Variants in PLSCR4 observed in about 807,000 individuals in gnomAD.
PLSCR4 encodes Ca(2+)-dependent phospholipid scramblase 4.
Under a neutral mutation model 36.3 loss-of-function variants are expected in PLSCR4, and 25 were observed. The observed-to-expected ratio is 0.69, with a 90% CI of 0.50 to 0.96. The LOEUF is 0.96. PLSCR4 is among the 40% of genes least tolerant of loss of function. PLSCR4 has a pLI of 0.00. For synonymous variants in PLSCR4, 122 were observed against 132.9 expected (o/e 0.92, Z 0.56); for missense variants, 408 against 414.7 (o/e 0.98, Z 0.14).
rs926303762 is a variant in PLSCR4, at chr3:146,250,998, A to G, written c.-60T>C. 1 of 153,120 alleles carries G rather than the reference A, an allele frequency of 6.5e-6. No homozygotes were observed. Among genetic ancestry groups the G allele is most frequent in the Non-Finnish European group, 1.5e-5 (1 of 68,874 alleles). 9.5% of individuals were successfully genotyped at this position (153,120 alleles called of 1,614,324 possible). Reference sequence around the variant, plus strand: ...GAATGCTGGGCACCGGGGACGCCAGACGCCGGGTCTAGTTGTACTGGCAGA... The same window carrying G: ...GAATGCTGGGCACCGGGGACGCCAGGCGCCGGGTCTAGTTGTACTGGCAGA... On this transcript the variant is annotated 5_prime_UTR_variant, in exon 1 of 9. Coordinates refer to ENST00000354952, the MANE Select transcript of PLSCR4 (RefSeq NM_020353.3).
At chr3:146,211,899 T>C (rs1159282200) in intron 3 of PLSCR4, among the ~76,000 whole-genome samples, 1 of 152,186 alleles carries the variant, frequency 6.6e-6, no homozygotes, top group Non-Finnish European at 1.5e-5. Context: ...CTCAATTCTA[T>C]CTCATTGGTC....
chr3:146,218,883 G>T (rs2035011607), intron 3 of PLSCR4, among the ~76,000 whole-genome samples: 1 of 151,990 alleles, frequency 6.6e-6, no homozygotes, highest in African/African-American at 2.4e-5. Context: ...ATATAACAAA[G>T]GTTTCTTTAT....
chr3:146,209,017 T>C (rs1184108376), intron 3 of PLSCR4, among the ~76,000 whole-genome samples: 1 of 152,082 alleles, frequency 6.6e-6, no homozygotes, highest in African/African-American at 2.4e-5. Context: ...TGCCCATCAA[T>C]CTACGAGTGG....
intron 1 of PLSCR4, among the ~76,000 whole-genome samples, chr3:146,229,243 G>A (rs75323560): frequency 0.016 from 2,363 of 152,190 alleles, 62 homozygotes; most frequent in African/African-American, 0.054. Context: ...TGCTAAGGTG[G>A]CAACATAATA....
intron 4 of PLSCR4, 124 bp downstream of exon 4, chr3:146,206,402 C>T (rs181752606): frequency 6.0e-6 from 4 of 670,008 alleles, no homozygotes; most frequent in Admixed American, 2.6e-5. Flanking sequence ...CTTATAGTTT[C>T]ACAAATGGCA....
rs139110996 is a variant in PLSCR4, at chr3:146,213,357, T to C, written c.119-6596A>G. 7.3e-3 allele frequency among the ~76,000 whole-genome samples: 974 copies of C among 133,752 alleles called. 4 individuals carry two copies. The highest frequency in any genetic ancestry group is 0.012 in the Non-Finnish European group (685 of 58,994). The allele number at this position is 133,752 out of a possible 152,430, so 87.7% of individuals were successfully genotyped here. On this transcript the variant is annotated intron_variant, in intron 3 of 8. Coordinates refer to ENST00000354952, the MANE Select transcript of PLSCR4 (RefSeq NM_020353.3). ...TCCTTTTTTTTTTTTTTTTGTGATG[T>C]AGTCTCAACTGTCACCCAGGCTGGA...
At chr3:146,199,285 GATA>G (rs1338751213) in intron 6 of PLSCR4, among the ~76,000 whole-genome samples, 1 of 152,090 alleles carries the variant, frequency 6.6e-6, no homozygotes, top group Non-Finnish European at 1.5e-5. Flanking sequence ...AGAAATGCAA[GATA>G]ATGAGTAACC....
At chr3:146,229,905 T>G (rs1455405800) in intron 1 of PLSCR4, among the ~76,000 whole-genome samples, 2 of 152,192 alleles carry the variant, frequency 1.3e-5, no homozygotes, top group African/African-American at 4.8e-5. Context: ...ATTACAGGCA[T>G]GAGCCACTGC....
At chr3:146,211,746 C>CA (rs2034632209) in intron 3 of PLSCR4, among the ~76,000 whole-genome samples, 3 of 152,072 alleles carry the variant, frequency 2.0e-5, no homozygotes, top group Admixed American at 6.6e-5. Context: ...TAGGGTGAGA[C>CA]AGTTTCAAAT....
chr3:146,222,045 AT>A lies in PLSCR4; in HGVS notation c.7+19del, dbSNP rs776741029. 1 of 1,244,328 alleles carries A rather than the reference AT, an allele frequency of 8.0e-7. No homozygotes were observed. The highest frequency in any genetic ancestry group is 1.5e-5 in the South Asian group (1 of 67,480). The allele number at this position is 1,244,328 out of a possible 1,614,324, so 77.1% of individuals were successfully genotyped here. The stretch of plus-strand genomic sequence containing the variant: ...ACATTTGAAAATAAAGCATATTCAA[AT>A]TTATTCACAAAAACTTACCTGACAT... On this transcript the variant is annotated intron_variant, in intron 2 of 8. Coordinates refer to ENST00000354952, the MANE Select transcript of PLSCR4 (RefSeq NM_020353.3).
intron 1 of PLSCR4, among the ~76,000 whole-genome samples, chr3:146,234,232 C>G (rs957949038): frequency 2.0e-5 from 3 of 152,122 alleles, no homozygotes; most frequent in African/African-American, 7.2e-5. Context: ...TGGCCCAATA[C>G]TGGTTCAAGG....
At chr3:146,234,842 G>C (rs1011620662) in intron 1 of PLSCR4, among the ~76,000 whole-genome samples, 3 of 152,104 alleles carry the variant, frequency 2.0e-5, no homozygotes, top group Non-Finnish European at 4.4e-5. Flanking sequence ...AGAGATGACT[G>C]CTCAGGTCTC....
intron 1 of PLSCR4, among the ~76,000 whole-genome samples, chr3:146,234,479 A>C (rs2035837100): frequency 6.6e-6 from 1 of 152,194 alleles, no homozygotes; most frequent in South Asian, 2.1e-4. Context: ...GAAAACACTA[A>C]AGGAAAGAAA....
At chr3:146,204,827 TACAA>T (rs1332451393) in intron 4 of PLSCR4, among the ~76,000 whole-genome samples, 3 of 152,080 alleles carry the variant, frequency 2.0e-5, no homozygotes, top group Non-Finnish European at 2.9e-5. Context: ...CTTGATAAGC[TACAA>T]ACATTTTATT....
At chr3:146,196,884 C>G in intron 6 of PLSCR4, 91 bp from the exon 7 acceptor site, 1 of 1,091,566 alleles carries the variant, frequency 9.2e-7, no homozygotes, top group Non-Finnish European at 1.3e-6. Context: ...TGTGTCCTCA[C>G]TCATTCAAAG....
intron 3 of PLSCR4, among the ~76,000 whole-genome samples, chr3:146,216,854 G>A (rs1005193188): frequency 4.6e-5 from 7 of 152,226 alleles, no homozygotes; most frequent in South Asian, 4.1e-4. Flanking sequence ...GACATCATGG[G>A]ACAATGCAGT....
At chr3:146,199,244 TTC>T (rs1240447549) in intron 6 of PLSCR4, among the ~76,000 whole-genome samples, 2 of 152,144 alleles carry the variant, frequency 1.3e-5, no homozygotes, top group African/African-American at 4.8e-5. Flanking sequence ...CCAAAACCGC[TTC>T]TCTTTTCCCT....
At chr3:146,206,453 G>A in intron 4 of PLSCR4, 73 bp downstream of exon 4, 1 of 1,102,138 alleles carries the variant, frequency 9.1e-7, no homozygotes, top group Admixed American at 1.8e-5. Context: ...ACTCTGGTCT[G>A]CTTTTTTTCT....
intron 1 of PLSCR4, among the ~76,000 whole-genome samples, chr3:146,234,376 T>A (rs887096597): frequency 1.3e-5 from 2 of 152,096 alleles, no homozygotes; most frequent in African/African-American, 4.8e-5. Flanking sequence ...TTTAAAAAAT[T>A]TTTTTTATTT....
Sources: allele counts gnomAD v4.1 joint callset (sites outside exome capture counted in the v4.1 genomes callset), GRCh38; gene constraint gnomAD v4.1.1; transcripts MANE v1.5; gene names NCBI Gene and HGNC (gene_info 2026-07-23, HGNC 2026-07-21).